ZBTB20: variants seen among roughly 807,000 people sequenced by gnomAD.
The protein encoded by ZBTB20 is zinc finger and BTB domain-containing protein 20.
ZBTB20 carries 9 observed loss-of-function variants against 56.9 expected under a neutral mutation model. The ratio of observed to expected loss-of-function variants is 0.16; its 90% CI spans 0.10 to 0.28. ZBTB20 has a LOEUF of 0.28. Ranked by LOEUF, ZBTB20 falls within the 10% of genes least tolerant of loss-of-function variation. The pLI, the probability that ZBTB20 is intolerant of heterozygous loss-of-function variation, is 1.00. For missense variants in ZBTB20, 655 were observed against 1,003.0 expected (o/e 0.65, Z 4.69); for synonymous variants, 417 against 420.7 (o/e 0.99, Z 0.11).
intron 10 of ZBTB20, among the ~76,000 whole-genome samples, chr3:114,355,467 G>T (rs1363102461): frequency 2.0e-5 from 3 of 152,194 alleles, no homozygotes; most frequent in African/African-American, 7.2e-5. Context: ...GCTGATATGA[G>T]TACAGATGCG....
chr3:114,560,397 C>T (rs531983667), intron 6 of ZBTB20, among the ~76,000 whole-genome samples: 8 of 152,266 alleles, frequency 5.3e-5, no homozygotes, highest in African/African-American at 1.9e-4. Flanking sequence ...AAGTGCTTTA[C>T]ATTTATTACT....
rs1169544973 is a variant in ZBTB20 at position 114,319,185 on chromosome 3, CA to C, written c.*19819del. 6.7e-6 allele frequency: 1 copy of C among 148,380 alleles called. No individual in the cohort carries two copies. Among genetic ancestry groups the C allele is most frequent in the Non-Finnish European group, 1.5e-5 (1 of 67,192 alleles). 9.2% of individuals were successfully genotyped at this position (148,380 alleles called of 1,614,324 possible). A position where few individuals can be genotyped will look rare whatever the true frequency, so the allele number is the denominator to read the frequency against. ...TTTTTTTTTTAAATAATGTCTTCAC[CA>C]AAAAAACAGTCTTGTACCAATAAAA... On this transcript the variant is annotated 3_prime_UTR_variant, in exon 12 of 12. Coordinates refer to ENST00000675478, the MANE Select transcript of ZBTB20 (RefSeq NM_001348800.3).
chr3:114,544,811 C>T (rs1010046341), intron 6 of ZBTB20, among the ~76,000 whole-genome samples: 3 of 152,196 alleles, frequency 2.0e-5, no homozygotes, highest in South Asian at 2.1e-4. Flanking sequence ...GGCCCCAAAA[C>T]TAGGTTTTCA....
intron 3 of ZBTB20, among the ~76,000 whole-genome samples, chr3:114,955,241 C>G (rs572705333): frequency 6.6e-6 from 1 of 152,322 alleles, no homozygotes; most frequent in South Asian, 2.1e-4. Context: ...TAGACAGAGA[C>G]AGCATAGCTG....
intron 7 of ZBTB20, among the ~76,000 whole-genome samples, chr3:114,482,300 G>C (rs1705924273): frequency 6.6e-6 from 1 of 152,142 alleles, no homozygotes; most frequent in Non-Finnish European, 1.5e-5. Flanking sequence ...GAGCTCAGAA[G>C]ACAACACTGA....
chr3:114,490,972 C>G (rs1421661455), intron 7 of ZBTB20, among the ~76,000 whole-genome samples: 1 of 152,166 alleles, frequency 6.6e-6, no homozygotes, highest in Admixed American at 6.5e-5. Context: ...GTCCCTGTTC[C>G]TGGTGTTTTG....
At chr3:114,729,997 T>G (rs1040540528) in intron 5 of ZBTB20, among the ~76,000 whole-genome samples, 1 of 148,000 alleles carries the variant, frequency 6.8e-6, no homozygotes, top group African/African-American at 2.5e-5. Flanking sequence ...AGGGTTTTGC[T>G]TGGGGGCCCA....
intron 5 of ZBTB20, among the ~76,000 whole-genome samples, chr3:114,750,316 A>C (rs577642718): frequency 6.6e-5 from 10 of 152,320 alleles, no homozygotes; most frequent in Non-Finnish European, 1.2e-4. Flanking sequence ...GTTACACTTT[A>C]AACACTGAGG....
At chr3:114,882,069 A>T (rs2076419695) in intron 4 of ZBTB20, among the ~76,000 whole-genome samples, 1 of 152,040 alleles carries the variant, frequency 6.6e-6, no homozygotes, top group Middle Eastern at 3.4e-3. Flanking sequence ...CAGAAAATTT[A>T]TTTTCCATAA....
At chr3:114,733,317 T>C (rs1224816552) in intron 5 of ZBTB20, among the ~76,000 whole-genome samples, 1 of 152,212 alleles carries the variant, frequency 6.6e-6, no homozygotes, top group Non-Finnish European at 1.5e-5. Flanking sequence ...CCTACCTGGA[T>C]ACCCAACGCC....
chr3:114,551,951 T>G (rs2050636735), intron 6 of ZBTB20, among the ~76,000 whole-genome samples: 2 of 152,336 alleles, frequency 1.3e-5, no homozygotes, highest in South Asian at 4.1e-4. Context: ...GGCTCACATC[T>G]ATAATCCCAG....
chr3:114,340,490 G>C (rs959785265), intron 11 of ZBTB20, among the ~76,000 whole-genome samples: 3 of 152,144 alleles, frequency 2.0e-5, no homozygotes, highest in African/African-American at 7.2e-5. Context: ...TACTGCTTTG[G>C]TTTGGCTTAG....
At position 114,678,747 on chromosome 3, in the gene ZBTB20, C is replaced by T. The variant is rs117226648; in HGVS notation, c.-295+14781G>A. Among the ~76,000 whole-genome samples, 18 of 152,182 alleles carry T rather than the reference C, an allele frequency of 1.2e-4. No individual in the cohort carries two copies. In the East Asian group the frequency reaches 2.3e-3, roughly 20 times the overall value. ...GTATATTGTATTTATCCAGAAAGCA[C>T]GAGCATAAGAATGACCTCAGAAAGT... On this transcript the variant is annotated intron_variant, in intron 6 of 11. Coordinates refer to ENST00000675478, the MANE Select transcript of ZBTB20 (RefSeq NM_001348800.3).
chr3:114,771,458 C>G (rs961918332), intron 5 of ZBTB20, among the ~76,000 whole-genome samples: 1 of 152,106 alleles, frequency 6.6e-6, no homozygotes, highest in African/African-American at 2.4e-5. Context: ...TTGTCCTTAT[C>G]TTTCCTGTTT....
At chr3:114,454,207 A>AGAGAGAGG (rs2091850253) in intron 7 of ZBTB20, among the ~76,000 whole-genome samples, 1 of 146,420 alleles carries the variant, frequency 6.8e-6, no homozygotes, top group African/African-American at 2.5e-5. Flanking sequence ...AGAGAGAGAG[A>AGAGAGAGG]GAGAAATTGG....
intron 7 of ZBTB20, among the ~76,000 whole-genome samples, chr3:114,402,941 G>A (rs892412523): frequency 6.6e-6 from 1 of 152,158 alleles, no homozygotes; most frequent in East Asian, 1.9e-4. Flanking sequence ...TTCCTTCACA[G>A]TGGTGTGTCT....
chr3:114,664,643 C>T (rs759179654), intron 6 of ZBTB20, among the ~76,000 whole-genome samples: 6 of 151,570 alleles, frequency 4.0e-5, no homozygotes, highest in Admixed American at 6.6e-5. Context: ...TAGCCTAGGC[C>T]GATATCTACT....
At chr3:114,596,423 T>C (rs2056320703) in intron 6 of ZBTB20, among the ~76,000 whole-genome samples, 1 of 152,168 alleles carries the variant, frequency 6.6e-6, no homozygotes, top group African/African-American at 2.4e-5. Context: ...TGACATCATA[T>C]AAATGAGGCA....
At chr3:114,447,661 A>G (rs111970034) in intron 7 of ZBTB20, among the ~76,000 whole-genome samples, 5 of 152,286 alleles carry the variant, frequency 3.3e-5, no homozygotes, top group African/African-American at 7.2e-5. Context: ...ACACACCTTA[A>G]AAGAGAGAGC....
Sources: allele counts gnomAD v4.1 joint callset (sites outside exome capture counted in the v4.1 genomes callset), GRCh38; gene constraint gnomAD v4.1.1; transcripts MANE v1.5; gene names NCBI Gene and HGNC (gene_info 2026-07-23, HGNC 2026-07-21).